EPHA6: variants seen among roughly 807,000 people sequenced by gnomAD.
EPHA6 encodes the protein ephrin type-A receptor 6.
A neutral mutation model predicts 112.0 loss-of-function variants in EPHA6; 50 were observed. The ratio of observed to expected loss-of-function variants is 0.45; its 90% confidence interval spans 0.36 to 0.56. The LOEUF (loss-of-function observed/expected upper bound fraction) is 0.56. EPHA6 is among the 20% of genes least tolerant of loss of function. EPHA6 has a pLI of 0.00. For synonymous variants in EPHA6, 529 were observed against 490.7 expected, an observed-to-expected ratio of 1.08 and a Z score of -1.03; for missense variants, 1,280 against 1,417.4, an observed-to-expected ratio of 0.90 and a Z score of 1.56.
chr3:96,930,770 T>C (rs1291327760), intron 2 of EPHA6, among the ~76,000 whole-genome samples: 1 of 151,856 alleles, frequency 6.6e-6, no homozygotes, highest in Non-Finnish European at 1.5e-5. Flanking sequence ...GGTGGGCAGA[T>C]CACCTAAGGT....
intron 2 of EPHA6, among the ~76,000 whole-genome samples, chr3:96,979,980 A>G (rs1576232240): frequency 6.6e-6 from 1 of 152,148 alleles, no homozygotes; most frequent in African/African-American, 2.4e-5. Context: ...GATTGCAAAA[A>G]TGTTCTCCCA....
At chr3:96,908,608 C>T (rs1156518994) in intron 2 of EPHA6, among the ~76,000 whole-genome samples, 4 of 151,854 alleles carry the variant, frequency 2.6e-5, no homozygotes, top group African/African-American at 9.7e-5. Flanking sequence ...CCAGGATATG[C>T]TCTATGTGCT....
chr3:97,318,280 T>A (rs964120636), intron 5 of EPHA6, among the ~76,000 whole-genome samples: 5 of 152,054 alleles, frequency 3.3e-5, no homozygotes, highest in Admixed American at 2.0e-4. Flanking sequence ...TCTTCACTGA[T>A]GAAGAATTTG....
rs1048754486 is a variant in EPHA6 at position 97,761,172 on chromosome 3, A to G, written c.*12471A>G. The G allele has an allele frequency of 5.0e-6, 1 of 200,358 alleles. No homozygotes were observed. The highest frequency in any genetic ancestry group is 2.3e-5 in the African/African-American group (1 of 43,514). The allele number at this position is 200,358 out of a possible 1,614,324, so 12.4% of individuals were successfully genotyped here. A position where few individuals can be genotyped will look rare whatever the true frequency, so the allele number is the denominator to read the frequency against. On this transcript the variant is annotated 3_prime_UTR_variant, in exon 18 of 18. Coordinates refer to ENST00000389672, the MANE Select transcript of EPHA6 (RefSeq NM_001080448.3). The stretch of plus-strand genomic sequence containing the variant: ...CAGTGAAGTAGTCCAGACTTATTTG[A>G]AGGTGGTACTATTTTTATCTTACAA...
At chr3:96,909,990 A>G (rs1471835211) in intron 2 of EPHA6, among the ~76,000 whole-genome samples, 2 of 151,994 alleles carry the variant, frequency 1.3e-5, no homozygotes, top group Non-Finnish European at 2.9e-5. Context: ...TTGTGCTTGC[A>G]TAGTCGCATA....
chr3:96,924,149 A>G (rs1399813627), intron 2 of EPHA6, among the ~76,000 whole-genome samples: 3 of 152,098 alleles, frequency 2.0e-5, no homozygotes, highest in Non-Finnish European at 2.9e-5. Context: ...TAGTTTTAAA[A>G]AATAGTTTTT....
intron 5 of EPHA6, among the ~76,000 whole-genome samples, chr3:97,261,633 T>C (rs2079507299): frequency 6.6e-6 from 1 of 152,190 alleles, no homozygotes; most frequent in Non-Finnish European, 1.5e-5. Flanking sequence ...CTTGACCTAA[T>C]GATTTTTAGT....
chr3:97,697,000 A>C (rs911129062), intron 14 of EPHA6, among the ~76,000 whole-genome samples: 2 of 152,244 alleles, frequency 1.3e-5, no homozygotes, highest in African/African-American at 4.8e-5. Context: ...TCATTAGAAC[A>C]GGTATTAATC....
intron 3 of EPHA6, among the ~76,000 whole-genome samples, chr3:97,067,442 C>T (rs112396612): frequency 2.0e-5 from 3 of 151,650 alleles, no homozygotes; most frequent in Non-Finnish European, 2.9e-5. Flanking sequence ...AACGTGAAAG[C>T]TAGACATTTG....
At chr3:96,967,954 ATGTATCCTTTGTCTTC>A (rs950739603) in intron 2 of EPHA6, among the ~76,000 whole-genome samples, 11 of 151,932 alleles carry the variant, frequency 7.2e-5, no homozygotes, top group Admixed American at 2.0e-4. Context: ...GACAATTGAC[ATGTATCCTTTGTCTTC>A]TGTATCCTTT....
intron 2 of EPHA6, among the ~76,000 whole-genome samples, chr3:96,936,830 A>G (rs889363787): frequency 6.6e-6 from 1 of 151,978 alleles, no homozygotes; most frequent in Non-Finnish European, 1.5e-5. Flanking sequence ...TCACTGTTCA[A>G]TTCCCACCTA....
At chr3:97,748,437 T>G in intron 17 of EPHA6, 150 bp from the exon 18 acceptor site, 1 of 563,538 alleles carries the variant, frequency 1.8e-6, no homozygotes, top group Non-Finnish European at 3.2e-6. Flanking sequence ...TTTTGGTAAC[T>G]GTGGCAGAGT....
At chr3:96,888,404 TC>T (rs979691643) in intron 2 of EPHA6, among the ~76,000 whole-genome samples, 12 of 152,226 alleles carry the variant, frequency 7.9e-5, no homozygotes, top group Non-Finnish European at 1.2e-4. Flanking sequence ...CTTTTCCACT[TC>T]CACAGTTGGG....
chr3:97,381,878 G>A (rs1043153657), intron 5 of EPHA6, among the ~76,000 whole-genome samples: 3 of 152,012 alleles, frequency 2.0e-5, no homozygotes, highest in South Asian at 2.1e-4. Context: ...AGACTGCTTA[G>A]CACTTAACCT....
At chr3:97,172,554 C>G (rs2076730019) in intron 3 of EPHA6, among the ~76,000 whole-genome samples, 1 of 151,912 alleles carries the variant, frequency 6.6e-6, no homozygotes, top group African/African-American at 2.4e-5. Context: ...CAACTTTAAG[C>G]AAATGAAAAC....
At chr3:97,175,112 A>T (rs1182280920) in intron 3 of EPHA6, among the ~76,000 whole-genome samples, 1 of 151,916 alleles carries the variant, frequency 6.6e-6, no homozygotes, top group East Asian at 1.9e-4. Context: ...ATTATTTTGC[A>T]TGTGGATATT....
Position 97,407,463 on chromosome 3 carries a change from C to G in EPHA6, c.1731+2189C>G, listed in dbSNP as rs370144767. ...AAGACCCTAGCATTATTCTCTTTCT[C>G]TGTGTGTGTGATGTGTCTGAGTGTG... On this transcript the variant is annotated intron_variant, in intron 6 of 17. Coordinates refer to ENST00000389672, the MANE Select transcript of EPHA6 (RefSeq NM_001080448.3). Among the ~76,000 whole-genome samples, 8 of 151,460 alleles carry G rather than the reference C, an allele frequency of 5.3e-5. No individual in the cohort carries two copies. The East Asian group carries it at 9.7e-4, about 18-fold the overall frequency.
intron 4 of EPHA6, among the ~76,000 whole-genome samples, chr3:97,226,691 A>C (rs1184640487): frequency 6.6e-6 from 1 of 152,178 alleles, no homozygotes; most frequent in Non-Finnish European, 1.5e-5. Flanking sequence ...CTTATCCATA[A>C]TCTGTCCTTA....
At chr3:97,616,348 A>C (rs1270935073) in intron 13 of EPHA6, among the ~76,000 whole-genome samples, 2 of 152,180 alleles carry the variant, frequency 1.3e-5, no homozygotes, top group African/African-American at 4.8e-5. Flanking sequence ...AACACTGAAA[A>C]CTCAAAAAGC....
Sources: allele counts gnomAD v4.1 joint callset (sites outside exome capture counted in the v4.1 genomes callset), GRCh38; gene constraint gnomAD v4.1.1; transcripts MANE v1.5; gene names NCBI Gene and HGNC (gene_info 2026-07-23, HGNC 2026-07-21).